RTBDN: variants seen among roughly 807,000 people sequenced by gnomAD.
RTBDN encodes retbindin.
Under a neutral mutation model 21.9 loss-of-function variants are expected in RTBDN, and 24 were observed. The observed-to-expected ratio is 1.10, with a 90% CI of 0.79 to 1.54. The LOEUF (loss-of-function observed/expected upper bound fraction) is 1.54. Among genes scored for constraint, RTBDN ranks in the 40% most tolerant of loss-of-function variants. RTBDN has a pLI of 0.00. For missense variants in RTBDN, 325 were observed against 315.2 expected (o/e 1.03, Z -0.23); for synonymous variants, 141 against 125.9 (o/e 1.12, Z -0.80).
At chr19:12,826,009 A>G (rs777558030) in intron 5 of RTBDN, 76 bp from the exon 6 acceptor site, 11 of 1,457,502 alleles carry the variant, frequency 7.5e-6, no homozygotes, top group Non-Finnish European at 1.0e-5. Flanking sequence ...GAAGGGAAAA[A>G]TGTGTAAATT....
In RTBDN at chr19:12,826,755, A is replaced by G. The variant is rs1372872158; in HGVS notation, c.462+20T>C. 6.9e-7 allele frequency: 1 copy of G among 1,447,484 alleles called. No individual in the cohort carries two copies. The highest frequency in any genetic ancestry group is 1.4e-5 in the African/African-American group (1 of 70,774). 89.7% of individuals were successfully genotyped at this position (1,447,484 alleles called of 1,614,324 possible). ...GGGAGGATCTCAGTCTCTTCCCTTC[A>G]CCTTCTGCCCCACGCTCACCTGTCC... On this transcript the variant is annotated intron_variant, in intron 5 of 5. Coordinates refer to ENST00000674343, the MANE Select transcript of RTBDN (RefSeq NM_001270441.2).
intron 5 of RTBDN, chr19:12,826,201 T>TG: frequency 7.5e-7 from 1 of 1,327,608 alleles, no homozygotes; most frequent in Non-Finnish European, 9.6e-7. Flanking sequence ...TTGTAGAGAG[T>TG]GACTGGGCTT....
upstream of RTBDN, chr19:12,834,589 C>T: frequency 2.0e-6 from 3 of 1,516,894 alleles, no homozygotes; most frequent in East Asian, 4.9e-5. This position sits in a 1 kb window ranked among gnomAD's most constrained non-coding sequence, Gnocchi z 4.7. Context: ...CATCCGCCCC[C>T]CCACCGCGAT....
intron 4 of RTBDN, among the ~76,000 whole-genome samples, 195 bp downstream of exon 4, chr19:12,828,462 G>A (rs1391301411): frequency 6.6e-6 from 1 of 152,308 alleles, no homozygotes. Context: ...TTGCCATATG[G>A]CAGGTATCTT....
At chr19:12,826,669 G>A in intron 5 of RTBDN, 106 bp downstream of exon 5, 1 of 894,290 alleles carries the variant, frequency 1.1e-6, no homozygotes, top group Non-Finnish European at 1.7e-6. Context: ...ACTCCAGCCT[G>A]GGTGACAAGA....
At position 12,834,437 on chromosome 19, in the gene RTBDN, C is replaced by T. The variant is rs1475545941; in HGVS notation, c.-19+52G>A. ...TTTGTGCGGCAACCTCGCCCCTCAC[C>T]ACCCCAGGAGCCCCCTCCCGAGGCA... is the stretch of plus-strand genomic sequence containing the variant. On this transcript the variant is annotated intron_variant, in intron 1 of 5. Transcript: ENST00000674343. This position sits in a 1 kb window ranked among gnomAD's most constrained non-coding sequence, Gnocchi z 4.7. The T allele has an allele frequency of 3.6e-6, 5 of 1,408,114 alleles. No homozygotes were observed. The highest frequency in any genetic ancestry group is 4.8e-6 in the Non-Finnish European group (5 of 1,033,656). 87.2% of individuals were successfully genotyped at this position (1,408,114 alleles called of 1,614,324 possible). A position where few individuals can be genotyped will look rare whatever the true frequency, so the allele number is the denominator to read the frequency against.
rs561650439 is a variant in RTBDN, at chr19:12,826,382, T to C, written c.462+393A>G. The C allele has an allele frequency of 1.0e-5, 13 of 1,273,346 alleles. No individual in the cohort carries two copies. In the East Asian group the frequency reaches 7.2e-4, roughly 70 times the overall value. 78.9% of individuals were successfully genotyped at this position (1,273,346 alleles called of 1,614,324 possible). The stretch of plus-strand genomic sequence containing the variant: ...GGGAGTACCAATCCGGTCTCTGGGG[T>C]CTAGACACGGTAAGAAAGAACTTGG... On this transcript the variant is annotated intron_variant, in intron 5 of 5. Coordinates refer to ENST00000674343, the MANE Select transcript of RTBDN (RefSeq NM_001270441.2).
At position 12,834,235 on chromosome 19, in the gene RTBDN, C is replaced by A. The variant is rs1328386158; in HGVS notation, c.-19+254G>T. 2.0e-5 allele frequency among the ~76,000 whole-genome samples: 3 copies of A among 152,084 alleles called. No homozygotes were observed. Among genetic ancestry groups the A allele is most frequent in the African/African-American group, 7.2e-5 (3 of 41,428 alleles). ...GAGCTGCCGGAGGGGTGCAGCCTAG[C>A]GCTCCCCCTCGAGGATCGCCTGAGG... On this transcript the variant is annotated intron_variant, in intron 1 of 5. Transcript: ENST00000674343. This position sits in a 1 kb window ranked among gnomAD's most constrained non-coding sequence, Gnocchi z 4.7.
chr19:12,832,451 T>A (rs1218290880), intron 1 of RTBDN: 1 of 152,148 alleles, frequency 6.6e-6, no homozygotes, highest in Non-Finnish European at 1.5e-5. Flanking sequence ...CCAGGATGCT[T>A]GTGGGTCAGA....
Position 12,834,090 on chromosome 19 carries a change from C to T in RTBDN, c.-19+399G>A, listed in dbSNP as rs1327453321. The T allele has an allele frequency of 2.5e-6, 1 of 398,564 alleles. No individual in the cohort carries two copies. Among genetic ancestry groups the T allele is most frequent in the Non-Finnish European group, 4.4e-6 (1 of 226,078 alleles). The allele number at this position is 398,564 out of a possible 1,614,324, so 24.7% of individuals were successfully genotyped here. On this transcript the variant is annotated intron_variant, in intron 1 of 5. Transcript: ENST00000674343. This position sits in a 1 kb window ranked among gnomAD's most constrained non-coding sequence, Gnocchi z 4.7. ...TGGGCAGGAGGCGGGAGAACTTGCA[C>T]TAGGGTCAGCCGGGACGCCCCCACC...
chr19:12,832,378 C>A (rs927129565), intron 1 of RTBDN, among the ~76,000 whole-genome samples: 1 of 152,180 alleles, frequency 6.6e-6, no homozygotes, highest in Non-Finnish European at 1.5e-5. Context: ...CAGTGATGTG[C>A]TGGAGGCCTC....
chr19:12,826,020 C>T, intron 5 of RTBDN, 87 bp from the exon 6 acceptor site: 3 of 1,446,302 alleles, frequency 2.1e-6, no homozygotes, highest in Non-Finnish European at 2.7e-6. Context: ...TGTGTAAATT[C>T]CTTAGGGATT....
chr19:12,831,306 ATG>A lies in RTBDN; in HGVS notation c.-18-1311_-18-1310del, dbSNP rs1174939797. 5.3e-5 allele frequency among the ~76,000 whole-genome samples: 8 copies of A among 152,128 alleles called. 1 individual carries two copies. Among genetic ancestry groups the A allele is most frequent in the African/African-American group, 1.9e-4 (8 of 41,404 alleles). ...ATGTGTCCTTCTGAAGTTTCTGTGA[ATG>A]TGTGTTGCTTGTGAACACTCCTTTA... On this transcript the variant is annotated intron_variant, in intron 1 of 5. Coordinates refer to ENST00000674343, the MANE Select transcript of RTBDN (RefSeq NM_001270441.2).
intron 1 of RTBDN, among the ~76,000 whole-genome samples, chr19:12,833,675 C>T (rs1254655480): frequency 1.3e-5 from 2 of 152,012 alleles, no homozygotes; most frequent in African/African-American, 4.8e-5. Flanking sequence ...TTATAGTGGT[C>T]TCTCGGCAGC....
chr19:12,831,016 TTGTGTGTGTG>T (rs56204944), intron 1 of RTBDN, among the ~76,000 whole-genome samples: 78 of 132,472 alleles, frequency 5.9e-4, no homozygotes, highest in African/African-American at 1.1e-3. Flanking sequence ...GGTGGAGTGG[TTGTGTGTGTG>T]TGTGTGTGTG....
rs530037448 is a variant in RTBDN at position 12,834,058 on chromosome 19, G to T, written c.-19+431C>A. Reference sequence around the variant, plus strand: ...GAGAGGAAGGGGTCGGCGCCCTGGGGCGGGGCTGGGCAGGAGGCGGGAGAA... The same window carrying T: ...GAGAGGAAGGGGTCGGCGCCCTGGGTCGGGGCTGGGCAGGAGGCGGGAGAA... On this transcript the variant is annotated intron_variant, in intron 1 of 5. Coordinates refer to ENST00000674343, the MANE Select transcript of RTBDN (RefSeq NM_001270441.2). The surrounding 1 kb of genome is among the most constrained non-coding windows in gnomAD (Gnocchi z 4.7). 1.7e-4 allele frequency: 68 copies of T among 398,334 alleles called. No individual in the cohort carries two copies. The highest frequency in any genetic ancestry group is 1.3e-3 in the African/African-American group (61 of 48,678). 24.7% of individuals were successfully genotyped at this position (398,334 alleles called of 1,614,324 possible). A position where few individuals can be genotyped will look rare whatever the true frequency, so the allele number is the denominator to read the frequency against.
chr19:12,829,816 A>T lies in RTBDN; in HGVS notation c.164T>A (p.Leu55Gln). The change falls in exon 2 of 6, where the codon CTG (leucine) becomes CAG (glutamine). Residue 55 changes from leucine to glutamine, a missense_variant. Physicochemically the swap from Leu to Gln is moderately radical, Grantham distance 113. Coordinates refer to ENST00000674343, the MANE Select transcript of RTBDN (RefSeq NM_001270441.2). Reference protein sequence around the residue: ...AADLGKGKLHLAGPCCPSEMD... With the variant: ...AADLGKGKLHQAGPCCPSEMD... ...GCAGGGTCTGGGGTGCTCACCTGCC[A>T]GGTGCAGCTTGCCTTTGCCCAGATC... 1.2e-6 allele frequency: 2 copies of T among 1,609,938 alleles called. No homozygotes were observed. Among genetic ancestry groups the T allele is most frequent in the Non-Finnish European group, 1.7e-6 (2 of 1,176,590 alleles).
intron 1 of RTBDN, among the ~76,000 whole-genome samples, chr19:12,833,240 A>C (rs994317947): frequency 1.3e-5 from 2 of 151,796 alleles, no homozygotes; most frequent in East Asian, 3.9e-4. Context: ...CCTCAGTGAA[A>C]ATGTTTCTCT....
At chr19:12,831,992 G>A (rs1409444458) in intron 1 of RTBDN, among the ~76,000 whole-genome samples, 1 of 152,164 alleles carries the variant, frequency 6.6e-6, no homozygotes, top group Non-Finnish European at 1.5e-5. Context: ...GTGTATGTCT[G>A]TGTTTCCTAA....
Sources: gnomAD v4.1 joint callset for allele counts (sites outside exome capture counted in the v4.1 genomes callset) on GRCh38, gnomAD v4.1.1 for gene constraint, Gnocchi (gnomAD v3.1) non-coding constraint, MANE v1.5 for transcripts, NCBI Gene and HGNC (gene_info 2026-07-23, HGNC 2026-07-21) for gene names.